Variants in PDGFD observed in about 807,000 individuals in gnomAD.
The protein encoded by PDGFD is platelet-derived growth factor D.
Under a neutral mutation model 44.7 loss-of-function variants are expected in PDGFD, and 30 were observed. The ratio of observed to expected loss-of-function variants is 0.67; its 90% confidence interval spans 0.50 to 0.91. The LOEUF (loss-of-function observed/expected upper bound fraction) is 0.91, where lower values mean the gene tolerates loss of function less well. Ranked by LOEUF, PDGFD falls within the 40% of genes least tolerant of loss-of-function variation. The pLI is 0.00. For synonymous variants in PDGFD, 173 were observed against 168.4 expected, an observed-to-expected ratio of 1.03 and a Z score of -0.21; for missense variants, 445 against 457.8, an observed-to-expected ratio of 0.97 and a Z score of 0.25.
chr11:103,996,101 C>T lies in PDGFD; in HGVS notation c.474G>A (p.Val158=). ...AATAAATCTTGAATCCAGGTTTAGC[C>T]ACAAAGTAGTCATCGGACTTGAATG... ...KITFKSDDYF[V]AKPGFKIYYS... is the part of the protein sequence containing the mutation. Residue 158 remains valine (V), a synonymous_variant, in exon 3 of 7, where the codon GTG becomes GTA. Transcript: ENST00000393158. The T allele has an allele frequency of 1.2e-6, 2 of 1,613,456 alleles. No individual in the cohort carries two copies. The highest frequency in any genetic ancestry group is 1.7e-5 in the Admixed American group (1 of 59,936).
intron 1 of PDGFD, among the ~76,000 whole-genome samples, 199 bp downstream of exon 1, chr11:104,163,605 G>A (rs1428414869): frequency 6.6e-6 from 1 of 151,938 alleles, no homozygotes; most frequent in African/African-American, 2.4e-5. Flanking sequence ...ATCAGCACGC[G>A]TCCCACACCT....
rs150014316 is a variant in PDGFD at position 104,056,794 on chromosome 11, A to G, written c.125-56539T>C. Among the ~76,000 whole-genome samples the G allele has an allele frequency of 4.3e-4, 65 of 152,316 alleles. No homozygotes were observed. In the South Asian group the frequency reaches 0.011, roughly 26 times the overall value. Reference sequence around the variant, plus strand: ...AATAAACTGCATTTTTTTATATACTAGCAGTGAACCCTTGGAAATTAAATG... The same window carrying G: ...AATAAACTGCATTTTTTTATATACTGGCAGTGAACCCTTGGAAATTAAATG... On this transcript the variant is annotated intron_variant, in intron 1 of 6. Coordinates refer to ENST00000393158, the MANE Select transcript of PDGFD (RefSeq NM_025208.5).
chr11:104,076,469 C>T (rs1339994755), intron 1 of PDGFD, among the ~76,000 whole-genome samples: 1 of 152,104 alleles, frequency 6.6e-6, no homozygotes, highest in African/African-American at 2.4e-5. Context: ...TCAGGGTTTG[C>T]AAGTTTCACA....
chr11:104,092,488 T>C (rs1861225173), intron 1 of PDGFD, among the ~76,000 whole-genome samples: 1 of 152,142 alleles, frequency 6.6e-6, no homozygotes, highest in South Asian at 2.1e-4. Flanking sequence ...ACTGCAAATA[T>C]GACCCACTGC....
intron 5 of PDGFD, among the ~76,000 whole-genome samples, chr11:103,935,095 T>C (rs953478906): frequency 2.0e-5 from 3 of 152,228 alleles, no homozygotes; most frequent in African/African-American, 7.2e-5. Context: ...TGCACATTTG[T>C]TCATCCGACG....
rs1489282771 is a variant in PDGFD at position 103,987,119 on chromosome 11, G to T, written c.510+8946C>A. Among the ~76,000 whole-genome samples the T allele has an allele frequency of 2.3e-5, 3 of 128,630 alleles. No homozygotes were observed. In the Admixed American group the frequency reaches 2.8e-4, roughly 12 times the overall value. 84.4% of individuals were successfully genotyped at this position (128,630 alleles called of 152,430 possible). ...TAAAAACTCCAATCCTTGAGTTTTT[G>T]CAGAGACTGATTTGAGTAATAATAA... On this transcript the variant is annotated intron_variant, in intron 3 of 6. Transcript: ENST00000393158.
chr11:104,033,835 G>A (rs897642928), intron 1 of PDGFD, among the ~76,000 whole-genome samples: 1 of 152,094 alleles, frequency 6.6e-6, no homozygotes, highest in Non-Finnish European at 1.5e-5. Context: ...CCAAACTCAG[G>A]GGAAAGCACT....
intron 6 of PDGFD, among the ~76,000 whole-genome samples, chr11:103,919,749 TCTGC>T (rs1169468525): frequency 6.6e-6 from 1 of 152,108 alleles, no homozygotes; most frequent in African/African-American, 2.4e-5. Flanking sequence ...CCTCAGGTGA[TCTGC>T]CTGCCTCAGC....
At chr11:104,056,965 T>C (rs1296867655) in intron 1 of PDGFD, among the ~76,000 whole-genome samples, 1 of 151,918 alleles carries the variant, frequency 6.6e-6, no homozygotes, top group Non-Finnish European at 1.5e-5. Flanking sequence ...CCGTGTCTAC[T>C]AAAATACAAA....
intron 3 of PDGFD, among the ~76,000 whole-genome samples, chr11:103,950,737 T>C (rs976420419): frequency 6.6e-6 from 1 of 152,134 alleles, no homozygotes; most frequent in Non-Finnish European, 1.5e-5. Context: ...CTGCCTTGGA[T>C]AATGTGTGTA....
rs541097958 is a variant in PDGFD at position 104,111,301 on chromosome 11, C to T, written c.124+52503G>A. On this transcript the variant is annotated intron_variant, in intron 1 of 6. Coordinates refer to ENST00000393158, the MANE Select transcript of PDGFD (RefSeq NM_025208.5). ...TTTTTTTAGATTTCACTCTGGTCAC[C>T]CAGGCTAGGGTGTTGTGGGTGTGAT... 1.5e-4 allele frequency among the ~76,000 whole-genome samples: 23 copies of T among 148,904 alleles called. No individual in the cohort carries two copies. In the South Asian group the frequency reaches 4.7e-3, roughly 30 times the overall value.
At chr11:103,961,549 T>G (rs1278632391) in intron 3 of PDGFD, among the ~76,000 whole-genome samples, 2 of 152,164 alleles carry the variant, frequency 1.3e-5, no homozygotes, top group African/African-American at 2.4e-5. Context: ...TCTGTGAGTA[T>G]GTCATGTGCC....
At chr11:103,952,656 A>G (rs1858776898) in intron 3 of PDGFD, among the ~76,000 whole-genome samples, 1 of 152,140 alleles carries the variant, frequency 6.6e-6, no homozygotes, top group Admixed American at 6.6e-5. Context: ...CCAATTAGCT[A>G]TTGTGCATCT....
chr11:104,032,654 T>C (rs1420486140), intron 1 of PDGFD, among the ~76,000 whole-genome samples: 1 of 140,870 alleles, frequency 7.1e-6, no homozygotes, highest in Non-Finnish European at 1.5e-5. Flanking sequence ...ATTTTTTTCT[T>C]TTTTTTTTTT....
chr11:103,996,265 A>G lies in PDGFD; in HGVS notation c.330-20T>C, dbSNP rs761797355. 3.2e-6 allele frequency: 5 copies of G among 1,583,182 alleles called. No individual in the cohort carries two copies. The highest frequency in any genetic ancestry group is 3.4e-6 in the Non-Finnish European group (4 of 1,162,008). On this transcript the variant is annotated intron_variant, in intron 2 of 6. Transcript: ENST00000393158. The stretch of plus-strand genomic sequence containing the variant: ...TCATACCTAGAATCAATTGGACATA[A>G]TGAACAAGTTTTGATTAAAGTAGAT...
chr11:104,101,556 C>G (rs1861381497), intron 1 of PDGFD, among the ~76,000 whole-genome samples: 1 of 152,108 alleles, frequency 6.6e-6, no homozygotes. Context: ...TGACTTTCTT[C>G]ACAGAATTGG....
chr11:103,962,478 T>C (rs932850600), intron 3 of PDGFD, among the ~76,000 whole-genome samples: 1 of 152,102 alleles, frequency 6.6e-6, no homozygotes. Flanking sequence ...CCTGGATGGC[T>C]TTCATCAAAG....
At chr11:104,009,993 T>C (rs2134373952) in intron 1 of PDGFD, among the ~76,000 whole-genome samples, 2 of 152,220 alleles carry the variant, frequency 1.3e-5, no homozygotes, top group East Asian at 1.9e-4. Flanking sequence ...CACATTAGCT[T>C]TCCAAAAACA....
At chr11:104,096,804 T>C (rs1340267954) in intron 1 of PDGFD, among the ~76,000 whole-genome samples, 1 of 152,170 alleles carries the variant, frequency 6.6e-6, no homozygotes, top group African/African-American at 2.4e-5. Flanking sequence ...ATATCAATGG[T>C]ACAATTTTAT....
Sources: gnomAD v4.1 joint callset for allele counts (sites outside exome capture counted in the v4.1 genomes callset) on GRCh38, gnomAD v4.1.1 for gene constraint, MANE v1.5 for transcripts, NCBI Gene and HGNC (gene_info 2026-07-23, HGNC 2026-07-21) for gene names.